Variants in CLSTN2 observed in about 807,000 individuals in gnomAD.
The protein encoded by CLSTN2 is calsyntenin-2.
A neutral mutation model predicts 101.2 loss-of-function variants in CLSTN2; 48 were observed. The ratio of observed to expected loss-of-function variants is 0.47; its 90% CI spans 0.38 to 0.60. The LOEUF is 0.60. Ranked by LOEUF, CLSTN2 falls within the 20% of genes least tolerant of loss-of-function variation. The pLI is 0.00. For missense variants in CLSTN2, 1,160 were observed against 1,238.2 expected (o/e 0.94, Z 0.95); for synonymous variants, 481 against 463.6 (o/e 1.04, Z -0.48).
chr3:140,327,572 A>C (rs958866974), intron 2 of CLSTN2, among the ~76,000 whole-genome samples: 2 of 152,188 alleles, frequency 1.3e-5, no homozygotes, highest in Non-Finnish European at 2.9e-5. Flanking sequence ...CATGCTACCT[A>C]GTATACTCAA....
chr3:140,190,947 T>C lies in CLSTN2; in HGVS notation c.232+14874T>C, dbSNP rs199663436. 1.1e-4 allele frequency among the ~76,000 whole-genome samples: 16 copies of C among 152,216 alleles called. No individual in the cohort carries two copies. The East Asian group carries it at 2.3e-3, about 22-fold the overall frequency. ...TTTATACTGACTAGAACTTCCAGCA[T>C]GATATTGAACAGAGGTGATGAGAGA... On this transcript the variant is annotated intron_variant, in intron 2 of 16. Transcript: ENST00000458420.
chr3:140,196,288 G>C (rs181458078), intron 2 of CLSTN2, among the ~76,000 whole-genome samples: 1 of 152,184 alleles, frequency 6.6e-6, no homozygotes, highest in Non-Finnish European at 1.5e-5. Context: ...AGGAAGGCGG[G>C]GGAAAAATCC....
chr3:140,149,953 C>T (rs752763777), intron 1 of CLSTN2, among the ~76,000 whole-genome samples: 1 of 152,104 alleles, frequency 6.6e-6, no homozygotes, highest in Non-Finnish European at 1.5e-5. Flanking sequence ...TGTTAAACTA[C>T]CTACTTGTAT....
intron 1 of CLSTN2, among the ~76,000 whole-genome samples, chr3:140,035,966 T>C (rs1043911186): frequency 1.3e-5 from 2 of 152,224 alleles, no homozygotes; most frequent in East Asian, 3.9e-4. Context: ...ACTTCTCAGC[T>C]TGGACTCCAG....
rs908259970 is a variant in CLSTN2, at chr3:139,952,353, G to C, written c.109+16870G>C. Among the ~76,000 whole-genome samples, 4 of 152,166 alleles carry C rather than the reference G, an allele frequency of 2.6e-5. No individual in the cohort carries two copies. In the East Asian group the frequency reaches 5.8e-4, roughly 22 times the overall value. On this transcript the variant is annotated intron_variant, in intron 1 of 16. Transcript: ENST00000458420. The stretch of plus-strand genomic sequence containing the variant: ...CTCTGCAAGCTCCTGCACAGACCCA[G>C]CTTGTGCAATAAAAAGAAGAGCTTG...
At chr3:140,129,793 G>A (rs1354255595) in intron 1 of CLSTN2, among the ~76,000 whole-genome samples, 1 of 152,134 alleles carries the variant, frequency 6.6e-6, no homozygotes, top group Non-Finnish European at 1.5e-5. Flanking sequence ...GCTGCCAGGA[G>A]CCCTTTCTCT....
intron 8 of CLSTN2, among the ~76,000 whole-genome samples, chr3:140,522,723 A>G (rs1935056867): frequency 6.6e-6 from 1 of 152,194 alleles, no homozygotes; most frequent in South Asian, 2.1e-4. Context: ...CTTCAGATTC[A>G]CTAATTTTGT....
At chr3:139,956,252 T>A (rs1935398116) in intron 1 of CLSTN2, among the ~76,000 whole-genome samples, 1 of 152,162 alleles carries the variant, frequency 6.6e-6, no homozygotes, top group African/African-American at 2.4e-5. Flanking sequence ...GTTCTCATAT[T>A]TTGTTCTGTA....
intron 2 of CLSTN2, among the ~76,000 whole-genome samples, chr3:140,288,621 A>G (rs62268001): frequency 0.014 from 2,168 of 152,280 alleles, 20 homozygotes; most frequent in Middle Eastern, 0.017. Flanking sequence ...ATGCTGATCA[A>G]TTGTTTTGAT....
intron 2 of CLSTN2, among the ~76,000 whole-genome samples, chr3:140,276,211 G>A (rs2086793860): frequency 6.6e-6 from 1 of 152,222 alleles, no homozygotes; most frequent in Non-Finnish European, 1.5e-5. Context: ...TGTTGCTAGT[G>A]TCTGGAGAAC....
intron 1 of CLSTN2, among the ~76,000 whole-genome samples, chr3:139,946,715 G>A (rs1290100116): frequency 6.6e-6 from 1 of 152,200 alleles, no homozygotes; most frequent in Admixed American, 6.5e-5. Flanking sequence ...TCTCCATCCT[G>A]CCTAAAAGCC....
intron 8 of CLSTN2, among the ~76,000 whole-genome samples, chr3:140,493,351 T>C (rs1934389325): frequency 6.6e-6 from 1 of 152,184 alleles, no homozygotes; most frequent in Non-Finnish European, 1.5e-5. Context: ...TTTAAAGTGT[T>C]TTTAATTAAA....
At chr3:140,122,528 A>G (rs1215294620) in intron 1 of CLSTN2, among the ~76,000 whole-genome samples, 1 of 152,240 alleles carries the variant, frequency 6.6e-6, no homozygotes, top group East Asian at 1.9e-4. Context: ...GATTCTTAGA[A>G]AATTTCCATG....
chr3:140,465,529 C>T (rs761524416), intron 7 of CLSTN2, among the ~76,000 whole-genome samples: 5 of 152,094 alleles, frequency 3.3e-5, no homozygotes, highest in African/African-American at 4.8e-5. Flanking sequence ...ATGTGCTGGG[C>T]GATTCTCATG....
chr3:140,229,836 GT>G (rs1360543621), intron 2 of CLSTN2, among the ~76,000 whole-genome samples: 6 of 152,060 alleles, frequency 3.9e-5, no homozygotes, highest in African/African-American at 1.4e-4. Flanking sequence ...AACCATGAAG[GT>G]TCCTTCCTGC....
At chr3:139,998,775 G>T (rs1420469572) in intron 1 of CLSTN2, among the ~76,000 whole-genome samples, 1 of 152,112 alleles carries the variant, frequency 6.6e-6, no homozygotes, top group African/African-American at 2.4e-5. Flanking sequence ...CTTCAGAACT[G>T]CAGAGTCTCA....
chr3:140,201,335 A>G (rs2010715541), intron 2 of CLSTN2, among the ~76,000 whole-genome samples: 1 of 152,054 alleles, frequency 6.6e-6, no homozygotes, highest in Admixed American at 6.6e-5. Context: ...CAGAGGGGAG[A>G]AAAATGGGGC....
chr3:140,466,684 C>A lies in CLSTN2; in HGVS notation c.1297C>A (p.Gln433Lys), dbSNP rs755591355. The A allele has an allele frequency of 5.0e-6, 8 of 1,614,032 alleles. No individual in the cohort carries two copies. In the African/African-American group the frequency reaches 5.3e-5, roughly 11 times the overall value. The part of the protein sequence containing the change: ...LVFLLRKDFD[Q>K]ADTFRPAEFH... ...CTTTCTCTTGCGGAAGGACTTCGACCAGGCTGACACCTTTCGCCCCGCGGA... is the reference window on the plus strand; with the variant it reads ...CTTTCTCTTGCGGAAGGACTTCGACAAGGCTGACACCTTTCGCCCCGCGGA... Residue 433 changes from glutamine to lysine, a missense_variant, in exon 8 of 17, where the codon CAG (glutamine) becomes AAG (lysine). Physicochemically the swap from Gln to Lys is moderately conservative, Grantham distance 53. Coordinates refer to ENST00000458420, the MANE Select transcript of CLSTN2 (RefSeq NM_022131.3).
intron 1 of CLSTN2, among the ~76,000 whole-genome samples, chr3:140,089,934 C>A (rs4683796): frequency 0.087 from 12,616 of 144,390 alleles, 595 homozygotes; most frequent in East Asian, 0.16. Flanking sequence ...GAGAAAAAAC[C>A]TGAGAGGGGC....
Sources: gnomAD v4.1 joint callset for allele counts (sites outside exome capture counted in the v4.1 genomes callset) on GRCh38, gnomAD v4.1.1 for gene constraint, MANE v1.5 for transcripts, NCBI Gene and HGNC (gene_info 2026-07-23, HGNC 2026-07-21) for gene names.